Variants in FGFR3 observed in about 807,000 individuals in gnomAD.
The protein encoded by FGFR3 is FGFR-3.
FGFR3 carries 25 observed loss-of-function variants against 82.9 expected under a neutral mutation model. The ratio of observed to expected loss-of-function variants is 0.30; its 90% CI spans 0.22 to 0.42. The LOEUF (loss-of-function observed/expected upper bound fraction) is 0.42. Among genes scored for constraint, FGFR3 ranks in the 10% least tolerant of loss-of-function variants. FGFR3 has a pLI of 1.00. For synonymous variants in FGFR3, 620 were observed against 516.0 expected, an observed-to-expected ratio of 1.20 and a Z score of -2.73; for missense variants, 1,026 against 1,161.0, an observed-to-expected ratio of 0.88 and a Z score of 1.69.
Position 1,807,355 on chromosome 4 carries a change from TGG to T in FGFR3, c.*94_*95del, listed in dbSNP as rs1399951999. On this transcript the variant is annotated 3_prime_UTR_variant, in exon 18 of 18. Transcript: ENST00000440486. ...TCCCCGGCATGAGACTCAGTGCAGA[TGG>T]AGAGACAGCTACACAGAGCTTTGGT... The T allele has an allele frequency of 1.3e-6, 2 of 1,493,930 alleles. No individual in the cohort carries two copies. Among genetic ancestry groups the T allele is most frequent in the Admixed American group, 3.9e-5 (2 of 51,080 alleles). 92.5% of individuals were successfully genotyped at this position (1,493,930 alleles called of 1,614,324 possible). A position where few individuals can be genotyped will look rare whatever the true frequency, so the allele number is the denominator to read the frequency against.
At chr4:1,805,037 C>G (rs1721708908) in intron 10 of FGFR3, 68 bp downstream of exon 10, 34 of 1,493,600 alleles carry the variant, frequency 2.3e-5, no homozygotes, top group Non-Finnish European at 2.8e-5. Context: ...AGCCACCAGT[C>G]AGAGGCCCGG....
Position 1,802,497 on chromosome 4 carries a change from G to C in FGFR3, c.930+472G>C, listed in dbSNP as rs771451766. Among the ~76,000 whole-genome samples the C allele has an allele frequency of 5.3e-5, 8 of 152,346 alleles. No homozygotes were observed. In the South Asian group the frequency reaches 8.3e-4, roughly 16 times the overall value. On this transcript the variant is annotated intron_variant, in intron 7 of 17. Transcript: ENST00000440486. ...CTTTGTTCCCATGGCTGCCGGGTGG[G>C]GGCCACTGAATTGGGACGGTTGCGA...
chr4:1,799,964 G>T (rs1720998429), intron 4 of FGFR3, 152 bp downstream of exon 4: 3 of 839,528 alleles, frequency 3.6e-6, no homozygotes, highest in African/African-American at 1.7e-5. Context: ...TACAGGAGGG[G>T]CTGGGTCACT....
In FGFR3 at chr4:1,806,252, C is replaced by T. The variant is rs2108808489; in HGVS notation, c.1960-5C>T. ...CGCCAACACCGCCTTCCCACACCCTCCCAGGGCCGGCTGCCCGTGAAGTGG... is the reference window on the plus strand; with the variant it reads ...CGCCAACACCGCCTTCCCACACCCTTCCAGGGCCGGCTGCCCGTGAAGTGG... On this transcript the variant is annotated splice_polypyrimidine_tract_variant and splice_region_variant and intron_variant, in intron 14 of 17. Transcript: ENST00000440486. 1.9e-6 allele frequency: 3 copies of T among 1,613,032 alleles called. No individual in the cohort carries two copies. Among genetic ancestry groups the T allele is most frequent in the Non-Finnish European group, 2.5e-6 (3 of 1,179,956 alleles).
At chr4:1,803,605 C>T (rs1283722373) in intron 7 of FGFR3, 87 bp from the exon 8 acceptor site, 4 of 1,547,024 alleles carry the variant, frequency 2.6e-6, no homozygotes, top group African/African-American at 1.4e-5. Context: ...GTTTTCCTTG[C>T]AGCGGCTGGA....
rs1189487421 is a variant in FGFR3 at position 1,801,546 on chromosome 4, G to A, written c.615+10G>A. ...CATTGGAGGCATCAAGGTGGGCGCG[G>A]CGGGGTGGCTCTGGGCCTGGCAGGC... On this transcript the variant is annotated intron_variant, in intron 5 of 17. Coordinates refer to ENST00000440486, the MANE Select transcript of FGFR3 (RefSeq NM_000142.5). The A allele has an allele frequency of 1.9e-6, 3 of 1,577,610 alleles. No individual in the cohort carries two copies. Among genetic ancestry groups the A allele is most frequent in the East Asian group, 2.3e-5 (1 of 42,974 alleles).
intron 2 of FGFR3, among the ~76,000 whole-genome samples, chr4:1,797,581 C>A (rs1395697596): frequency 1.3e-5 from 2 of 152,246 alleles, no homozygotes; most frequent in African/African-American, 4.8e-5. Context: ...GCCCTTGGGC[C>A]AGGGCCTGCA....
rs2108796938 is a variant in FGFR3, at chr4:1,804,385, C to T, written c.1131C>T (p.Leu377=). ...CGGGCAGTGTGTATGCAGGCATCCTCAGCTACGGGGTGGGCTTCTTCCTGT... is the reference window on the plus strand; with the variant it reads ...CGGGCAGTGTGTATGCAGGCATCCTTAGCTACGGGGTGGGCTTCTTCCTGT... ...DEAGSVYAGI[L]SYGVGFFLFI... is the part of the protein sequence containing the mutation. The change falls in exon 9 of 18, where the codon CTC becomes CTT. Residue 377 remains leucine, a synonymous_variant. Coordinates refer to ENST00000440486, the MANE Select transcript of FGFR3 (RefSeq NM_000142.5). 6 of 1,613,112 alleles carry T rather than the reference C, an allele frequency of 3.7e-6. No homozygotes were observed. The highest frequency in any genetic ancestry group is 5.1e-6 in the Non-Finnish European group (6 of 1,179,702).
chr4:1,799,270 G>T lies in FGFR3; in HGVS notation c.126G>T (p.Glu42Asp), dbSNP rs770464815. 6 of 1,612,492 alleles carry T rather than the reference G, an allele frequency of 3.7e-6. No homozygotes were observed. In the Admixed American group the frequency reaches 5.0e-5, roughly 13 times the overall value. Residue 42 changes from glutamate (E) to aspartate (D), a missense_variant, in exon 3 of 18, where the codon GAG becomes GAT. Physicochemically the swap from Glu to Asp is conservative, Grantham distance 45. Around this residue, in one of 9 missense-constraint regions of FGFR3, gnomAD observed 226 missense variants for 222.0 expected, o/e 1.02. Transcript: ENST00000440486. ...TCCCCACAGAAGTCCCGGGCCCAGA[G>T]CCCGGCCAGCAGGAGCAGTTGGTCT... ...VGRAAEVPGP[E>D]PGQQEQLVFG...
chr4:1,807,531 G>T lies in FGFR3; in HGVS notation c.*269G>T, dbSNP rs1722117243. ...CTGACTGGTGCTGCAGCACCGAGGGGCCTTTGTTCTGGGGGGACCCAGTGC... is the reference window on the plus strand; with the variant it reads ...CTGACTGGTGCTGCAGCACCGAGGGTCCTTTGTTCTGGGGGGACCCAGTGC... On this transcript the variant is annotated 3_prime_UTR_variant, in exon 18 of 18. Coordinates refer to ENST00000440486, the MANE Select transcript of FGFR3 (RefSeq NM_000142.5). 2.8e-6 allele frequency: 2 copies of T among 715,296 alleles called. No individual in the cohort carries two copies. The highest frequency in any genetic ancestry group is 1.7e-5 in the African/African-American group (1 of 58,022). 44.3% of individuals were successfully genotyped at this position (715,296 alleles called of 1,614,324 possible).
In FGFR3 at chr4:1,803,775, C is replaced by T. The variant is rs4647928; in HGVS notation, c.1014C>T (p.Thr338=). 4.5e-3 allele frequency: 7,290 copies of T among 1,614,096 alleles called. 59 individuals are homozygous for T. The highest frequency in any genetic ancestry group is 4.3e-3 in the Non-Finnish European group (5,033 of 1,180,032). ...CCTTTGAGGACGCCGGGGAGTACACCTGCCTGGCGGGCAATTCTATTGGGT... is the reference window on the plus strand; with the variant it reads ...CCTTTGAGGACGCCGGGGAGTACACTTGCCTGGCGGGCAATTCTATTGGGT... ...NVTFEDAGEY[T]CLAGNSIGFS... The change falls in exon 8 of 18, where the codon ACC becomes ACT. Residue 338 remains threonine, a synonymous_variant. Coordinates refer to ENST00000440486, the MANE Select transcript of FGFR3 (RefSeq NM_000142.5).
chr4:1,796,441 C>T (rs1004392762), intron 2 of FGFR3, among the ~76,000 whole-genome samples: 19 of 152,138 alleles, frequency 1.2e-4, no homozygotes, highest in Admixed American at 1.1e-3. Flanking sequence ...CTGGCAATAC[C>T]TCCTGTACCC....
chr4:1,793,995 T>G lies in FGFR3; in HGVS notation c.61T>G (p.Ser21Ala). 1 of 1,391,350 alleles carries G rather than the reference T, an allele frequency of 7.2e-7. No homozygotes were observed. Among genetic ancestry groups the G allele is most frequent in the Non-Finnish European group, 9.4e-7 (1 of 1,060,584 alleles). 86.2% of individuals were successfully genotyped at this position (1,391,350 alleles called of 1,614,324 possible). A position where few individuals can be genotyped will look rare whatever the true frequency, so the allele number is the denominator to read the frequency against. ...CVAVAIVAGA[S>A]SESLGTEQRV... ...GGCCGTGGCCATCGTGGCCGGCGCC[T>G]CCTCGGAGTCCTTGGGGACGGAGCA... Residue 21 changes from serine (S) to alanine (A), a missense_variant, in exon 2 of 18, where the codon TCC becomes GCC. Transcript: ENST00000440486.
Position 1,807,203 on chromosome 4 carries a change from G to GT in FGFR3, c.2363dup (p.Phe789ValfsTer28). 1.2e-6 allele frequency: 2 copies of GT among 1,608,462 alleles called. No individual in the cohort carries two copies. Among genetic ancestry groups the GT allele is most frequent in the Non-Finnish European group, 1.7e-6 (2 of 1,178,240 alleles). On this transcript the variant is annotated frameshift_variant, in exon 18 of 18. Coordinates refer to ENST00000440486, the MANE Select transcript of FGFR3 (RefSeq NM_000142.5). LOFTEE classifies it low-confidence loss of function (END_TRUNC). ...CTCCAGCTCCTCAGGGGACGACTCCGTGTTTGCCCACGACCTGCTGCCCCC... is the reference window on the plus strand; with the variant it reads ...CTCCAGCTCCTCAGGGGACGACTCCGTTGTTTGCCCACGACCTGCTGCCCCC...
At chr4:1,798,419 G>A (rs573003347) in intron 2 of FGFR3, among the ~76,000 whole-genome samples, 7 of 151,966 alleles carry the variant, frequency 4.6e-5, no homozygotes, top group East Asian at 1.9e-4. Context: ...CCACTTGGCC[G>A]GACCCAGCGC....
At chr4:1,794,388 G>C (rs17880324) in intron 2 of FGFR3, among the ~76,000 whole-genome samples, 1 of 152,176 alleles carries the variant, frequency 6.6e-6, no homozygotes. Context: ...TTCGGGTTCT[G>C]CGCAGACGGA....
At chr4:1,798,319 G>A (rs1334319934) in intron 2 of FGFR3, among the ~76,000 whole-genome samples, 3 of 151,972 alleles carry the variant, frequency 2.0e-5, no homozygotes, top group South Asian at 2.1e-4. Context: ...CTCTGTGAGG[G>A]GGCCCCAGTC....
chr4:1,806,140 G>A lies in FGFR3; in HGVS notation c.1926G>A (p.Val642=). Residue 642 remains valine (V), a synonymous_variant, in exon 14 of 18, where the codon GTG becomes GTA. Coordinates refer to ENST00000440486, the MANE Select transcript of FGFR3 (RefSeq NM_000142.5). ...KIADFGLARD[V]HNLDYYKKTT... is the part of the protein sequence containing the mutation. The stretch of plus-strand genomic sequence containing the variant: ...CAGACTTCGGGCTGGCCCGGGACGT[G>A]CACAACCTCGACTACTACAAGAAGA... The A allele has an allele frequency of 6.2e-7, 1 of 1,613,112 alleles. No homozygotes were observed. Among genetic ancestry groups the A allele is most frequent in the Non-Finnish European group, 8.5e-7 (1 of 1,179,746 alleles).
chr4:1,797,410 G>A (rs953731226), intron 2 of FGFR3, among the ~76,000 whole-genome samples: 18 of 152,200 alleles, frequency 1.2e-4, no homozygotes, highest in African/African-American at 4.1e-4. Context: ...AGTCAGGGCT[G>A]CACCCTCCCC....
Sources: allele counts gnomAD v4.1 joint callset (sites outside exome capture counted in the v4.1 genomes callset), GRCh38; gene constraint gnomAD v4.1.1; regional missense constraint gnomAD v4.1.1; transcripts MANE v1.5; gene names NCBI Gene and HGNC (gene_info 2026-07-23, HGNC 2026-07-21).